Variants in NECAB1 observed in about 807,000 individuals in gnomAD.
NECAB1 encodes the protein N-terminal EF-hand calcium binding protein 1.
A neutral mutation model predicts 57.5 loss-of-function variants in NECAB1; 29 were observed. The ratio of observed to expected loss-of-function variants is 0.50; its 90% CI spans 0.38 to 0.69. The LOEUF (loss-of-function observed/expected upper bound fraction) is 0.69, where lower values mean the gene tolerates loss of function less well. NECAB1 is among the 30% of genes least tolerant of loss of function. The pLI, the probability that NECAB1 is intolerant of heterozygous loss-of-function variation, is 0.00. For missense variants in NECAB1, 372 were observed against 413.8 expected (o/e 0.90, Z 0.88); for synonymous variants, 142 against 147.7 (o/e 0.96, Z 0.28).
rs1446305122 is a variant in NECAB1 at position 90,925,517 on chromosome 8, T to C, written c.495-18T>C. On this transcript the variant is annotated intron_variant, in intron 6 of 12. Coordinates refer to ENST00000417640, the MANE Select transcript of NECAB1 (RefSeq NM_022351.5). ...GAAGCACTAACATTAAGGTTAAATGTTATCTCTGTTGATCAAGGCAAGGGC... is the reference window on the plus strand; with the variant it reads ...GAAGCACTAACATTAAGGTTAAATGCTATCTCTGTTGATCAAGGCAAGGGC... The C allele has an allele frequency of 3.1e-6, 5 of 1,609,882 alleles. No individual in the cohort carries two copies. In the Admixed American group the frequency reaches 6.7e-5, roughly 22 times the overall value.
chr8:90,899,334 C>T lies in NECAB1; in HGVS notation c.358-18158C>T, dbSNP rs574442347. On this transcript the variant is annotated intron_variant, in intron 5 of 12. Coordinates refer to ENST00000417640, the MANE Select transcript of NECAB1 (RefSeq NM_022351.5). ...GTATACCAGGATGTGATTTGAGGAA[C>T]ATGGGCAAAAATTCAAGAATCTGTG... 3.9e-5 allele frequency among the ~76,000 whole-genome samples: 6 copies of T among 152,220 alleles called. No individual in the cohort carries two copies. In the East Asian group the frequency reaches 9.7e-4, roughly 25 times the overall value.
At chr8:90,887,619 G>A (rs1415981868) in intron 5 of NECAB1, among the ~76,000 whole-genome samples, 2 of 152,124 alleles carry the variant, frequency 1.3e-5, no homozygotes. Context: ...AAACATCAGC[G>A]AGAAGGTGAG....
intron 6 of NECAB1, among the ~76,000 whole-genome samples, chr8:90,922,018 C>G (rs1015268411): frequency 6.6e-6 from 1 of 152,222 alleles, no homozygotes; most frequent in African/African-American, 2.4e-5. Flanking sequence ...AGATGGCATG[C>G]TACAACACTC....
intron 3 of NECAB1, among the ~76,000 whole-genome samples, chr8:90,832,184 A>C (rs749374927): frequency 6.6e-6 from 1 of 152,164 alleles, no homozygotes; most frequent in African/African-American, 2.4e-5. Context: ...AGAATCTTTG[A>C]TAAGCTCACA....
intron 12 of NECAB1, among the ~76,000 whole-genome samples, chr8:90,955,255 G>A (rs1586155816): frequency 6.7e-6 from 1 of 149,602 alleles, no homozygotes; most frequent in African/African-American, 2.5e-5. Context: ...TATTCACATA[G>A]AACAGAAAAT....
intron 3 of NECAB1, among the ~76,000 whole-genome samples, chr8:90,862,285 C>T (rs1045365538): frequency 6.6e-6 from 1 of 152,052 alleles, no homozygotes; most frequent in African/African-American, 2.4e-5. Context: ...CATGGAAAGA[C>T]ACACATGAAA....
chr8:90,839,287 A>G (rs1812418814), intron 3 of NECAB1, among the ~76,000 whole-genome samples: 1 of 152,206 alleles, frequency 6.6e-6, no homozygotes, highest in Non-Finnish European at 1.5e-5. Flanking sequence ...ACACCGTTAA[A>G]TTTGAACTCT....
chr8:90,804,929 C>A (rs1381542258), intron 2 of NECAB1, among the ~76,000 whole-genome samples: 1 of 152,168 alleles, frequency 6.6e-6, no homozygotes, highest in East Asian at 1.9e-4. Context: ...AGGCAAGTGC[C>A]TGGAATGTAG....
chr8:90,930,358 G>A (rs2631008), intron 8 of NECAB1, among the ~76,000 whole-genome samples: 81,917 of 152,068 alleles, frequency 0.54, 26,060 homozygotes, highest in African/African-American at 0.87. Context: ...ACAATTAATT[G>A]TACCATTAAC....
At chr8:90,848,363 C>T (rs919887566) in intron 3 of NECAB1, among the ~76,000 whole-genome samples, 50 of 152,146 alleles carry the variant, frequency 3.3e-4, no homozygotes, top group African/African-American at 1.1e-3. Context: ...TCCAAACTTT[C>T]CCACATTTTC....
At chr8:90,820,450 TG>T (rs1329983036) in intron 2 of NECAB1, among the ~76,000 whole-genome samples, 4 of 152,000 alleles carry the variant, frequency 2.6e-5, no homozygotes, top group African/African-American at 9.7e-5. Context: ...TTATTATTAT[TG>T]AACATGATGT....
chr8:90,943,949 G>A (rs1275077123), intron 10 of NECAB1, among the ~76,000 whole-genome samples: 1 of 152,028 alleles, frequency 6.6e-6, no homozygotes, highest in Non-Finnish European at 1.5e-5. Context: ...ACGGGGTTAT[G>A]CCATGTTGCC....
chr8:90,895,931 G>A (rs1011255), intron 5 of NECAB1, among the ~76,000 whole-genome samples: 4 of 152,186 alleles, frequency 2.6e-5, no homozygotes, highest in South Asian at 2.1e-4. Flanking sequence ...AAAGCTCAAC[G>A]AGCTGATGTC....
chr8:90,823,204 C>T (rs2129703423), intron 2 of NECAB1, among the ~76,000 whole-genome samples: 1 of 148,384 alleles, frequency 6.7e-6, no homozygotes, highest in Non-Finnish European at 1.5e-5. Flanking sequence ...AAGATCGGGT[C>T]CCTAGATCTG....
At chr8:90,842,875 C>T (rs570647077) in intron 3 of NECAB1, among the ~76,000 whole-genome samples, 2 of 152,256 alleles carry the variant, frequency 1.3e-5, no homozygotes, top group South Asian at 2.1e-4. Context: ...GAAAGGTTGC[C>T]TCAGAAAGTG....
chr8:90,832,237 C>A (rs1177087289), intron 3 of NECAB1, among the ~76,000 whole-genome samples: 1 of 152,110 alleles, frequency 6.6e-6, no homozygotes, highest in Non-Finnish European at 1.5e-5. Flanking sequence ...TTTAAAAACT[C>A]TTCTTTCCTA....
At chr8:90,812,667 G>A (rs1322188052) in intron 2 of NECAB1, 7 of 152,018 alleles carry the variant, frequency 4.6e-5, no homozygotes, top group African/African-American at 1.4e-4. Context: ...TGATATCTGA[G>A]CATTTGGTTG....
chr8:90,818,216 T>C (rs1812090074), intron 2 of NECAB1, among the ~76,000 whole-genome samples: 2 of 151,874 alleles, frequency 1.3e-5, no homozygotes, highest in Non-Finnish European at 2.9e-5. Flanking sequence ...GTTTATCAAG[T>C]CTATCAATCT....
Position 90,799,863 on chromosome 8 carries a change from G to A in NECAB1, c.100-1828G>A, listed in dbSNP as rs546773810. Among the ~76,000 whole-genome samples the A allele has an allele frequency of 5.9e-5, 9 of 152,246 alleles. No homozygotes were observed. In the South Asian group the frequency reaches 1.0e-3, roughly 18 times the overall value. On this transcript the variant is annotated intron_variant, in intron 1 of 12. Transcript: ENST00000417640. The stretch of plus-strand genomic sequence containing the variant: ...AAAAAATGACATTGGTAGTTTGATA[G>A]GAATAGTATTGAATGTATACATTGC...
Sources: gnomAD v4.1 joint callset for allele counts (sites outside exome capture counted in the v4.1 genomes callset) on GRCh38, gnomAD v4.1.1 for gene constraint, MANE v1.5 for transcripts, NCBI Gene and HGNC (gene_info 2026-07-23, HGNC 2026-07-21) for gene names.